The following MAGI1 variants were observed in gnomAD, a reference collection of about 807,000 sequenced individuals.
The protein encoded by MAGI1 is membrane associated guanylate kinase, WW and PDZ domain containing 1.
Under a neutral mutation model 139.9 loss-of-function variants are expected in MAGI1, and 58 were observed. The ratio of observed to expected loss-of-function variants is 0.41; its 90% confidence interval spans 0.34 to 0.52. The LOEUF (loss-of-function observed/expected upper bound fraction) is 0.52. MAGI1 is among the 20% of genes least tolerant of loss of function. MAGI1 has a pLI of 0.12. For missense variants in MAGI1, 1,874 were observed against 1,901.6 expected, an observed-to-expected ratio of 0.99 and a Z score of 0.27; for synonymous variants, 812 against 737.9, an observed-to-expected ratio of 1.10 and a Z score of -1.63.
chr3:65,410,774 G>GT (rs202207122), intron 12 of MAGI1, among the ~76,000 whole-genome samples: 2,493 of 152,198 alleles, frequency 0.016, 72 homozygotes, highest in African/African-American at 0.056. Flanking sequence ...GGTCATTCAA[G>GT]GCTACACATG....
At chr3:65,399,045 A>G (rs1375954158) in intron 13 of MAGI1, among the ~76,000 whole-genome samples, 1 of 152,166 alleles carries the variant, frequency 6.6e-6, no homozygotes, top group Admixed American at 6.5e-5. Context: ...TGCCAATCAC[A>G]TGAGCAAGCC....
At chr3:65,587,182 A>T (rs1162105471) in intron 2 of MAGI1, among the ~76,000 whole-genome samples, 1 of 152,094 alleles carries the variant, frequency 6.6e-6, no homozygotes, top group African/African-American at 2.4e-5. Flanking sequence ...TCCTCGACTC[A>T]CTTTGGAGTT....
intron 1 of MAGI1, among the ~76,000 whole-genome samples, chr3:65,979,218 C>T (rs1026736505): frequency 6.6e-6 from 1 of 151,556 alleles, no homozygotes; most frequent in Non-Finnish European, 1.5e-5. Context: ...GGCATAACCT[C>T]AGCCTACAAG....
chr3:65,463,075 T>C (rs1949926209), intron 5 of MAGI1, among the ~76,000 whole-genome samples: 1 of 152,198 alleles, frequency 6.6e-6, no homozygotes, highest in African/African-American at 2.4e-5. Context: ...ACAGAGATAA[T>C]TTGACTTCCT....
intron 1 of MAGI1, among the ~76,000 whole-genome samples, chr3:65,696,143 T>C (rs1346631006): frequency 2.0e-5 from 3 of 152,120 alleles, no homozygotes; most frequent in Non-Finnish European, 4.4e-5. Context: ...TGCCTCCCTA[T>C]CTTAGAAGCA....
Position 65,432,903 on chromosome 3 carries a change from C to A in MAGI1, c.1364-2022G>T, listed in dbSNP as rs553277316. Among the ~76,000 whole-genome samples the A allele has an allele frequency of 3.3e-5, 5 of 152,276 alleles. 1 individual carries two copies. The South Asian group carries it at 1.0e-3, about 32-fold the overall frequency. On this transcript the variant is annotated intron_variant, in intron 10 of 22. Transcript: ENST00000402939. ...ACCTTCGCAGCAAGACCTTCCCTAACCACCTTACTAAAAATTGCAGTACCT... is the reference window on the plus strand; with the variant it reads ...ACCTTCGCAGCAAGACCTTCCCTAAACACCTTACTAAAAATTGCAGTACCT...
chr3:65,401,498 G>C (rs369982025), intron 12 of MAGI1, 28 bp from the exon 13 acceptor site: 13 of 1,609,724 alleles, frequency 8.1e-6, no homozygotes, highest in Admixed American at 5.0e-5. Flanking sequence ...AGGAGGGGAG[G>C]GGGGAAGAAA....
At chr3:65,879,253 T>G (rs533889765) in intron 1 of MAGI1, among the ~76,000 whole-genome samples, 3 of 152,102 alleles carry the variant, frequency 2.0e-5, no homozygotes, top group Admixed American at 6.5e-5. Context: ...AGCATTTAAG[T>G]TCGCTGGGAG....
intron 15 of MAGI1, among the ~76,000 whole-genome samples, chr3:65,382,389 ACT>A (rs1488180439): frequency 6.6e-6 from 1 of 151,952 alleles, no homozygotes; most frequent in East Asian, 1.9e-4. Context: ...CTACCTAAAA[ACT>A]CTCTTTCCAT....
At chr3:65,954,799 G>A (rs1420084912) in intron 1 of MAGI1, among the ~76,000 whole-genome samples, 1 of 152,104 alleles carries the variant, frequency 6.6e-6, no homozygotes, top group South Asian at 2.1e-4. Flanking sequence ...AACCCCCAGG[G>A]CTGCTGGGAT....
At chr3:65,792,093 G>C (rs1032732648) in intron 1 of MAGI1, among the ~76,000 whole-genome samples, 1 of 151,968 alleles carries the variant, frequency 6.6e-6, no homozygotes, top group African/African-American at 2.4e-5. Context: ...CACAACAAGA[G>C]ATTAATAACA....
chr3:65,923,496 A>G (rs1445283042), intron 1 of MAGI1, among the ~76,000 whole-genome samples: 1 of 152,124 alleles, frequency 6.6e-6, no homozygotes, highest in African/African-American at 2.4e-5. Context: ...AAGTGCTGGG[A>G]TTACAGGCAT....
chr3:65,666,540 G>A (rs1481561260), intron 1 of MAGI1, among the ~76,000 whole-genome samples: 1 of 152,162 alleles, frequency 6.6e-6, no homozygotes, highest in Non-Finnish European at 1.5e-5. Context: ...TCACATATTA[G>A]CATAGTAAAA....
At chr3:65,794,946 T>C (rs951469753) in intron 1 of MAGI1, among the ~76,000 whole-genome samples, 2 of 150,646 alleles carry the variant, frequency 1.3e-5, no homozygotes, top group African/African-American at 4.9e-5. Flanking sequence ...AATAAGCACA[T>C]GAAAAGATGT....
At chr3:65,624,891 A>C (rs1286923262) in intron 1 of MAGI1, among the ~76,000 whole-genome samples, 2 of 152,096 alleles carry the variant, frequency 1.3e-5, no homozygotes, top group Non-Finnish European at 2.9e-5. Context: ...TTCTTTTTTT[A>C]AGATGGAGTC....
At chr3:65,852,681 T>G (rs957944715) in intron 1 of MAGI1, among the ~76,000 whole-genome samples, 2 of 151,918 alleles carry the variant, frequency 1.3e-5, no homozygotes, top group Admixed American at 1.3e-4. Flanking sequence ...TTTTGTATTT[T>G]TAGTAGAGAC....
chr3:65,657,392 C>T (rs1001924708), intron 1 of MAGI1, among the ~76,000 whole-genome samples: 29 of 149,088 alleles, frequency 1.9e-4, no homozygotes, highest in Non-Finnish European at 3.1e-4. Context: ...CCCAGGAGTC[C>T]GAGACCAGCC....
chr3:65,721,194 G>A (rs2032975023), intron 1 of MAGI1, among the ~76,000 whole-genome samples: 2 of 152,080 alleles, frequency 1.3e-5, no homozygotes, highest in African/African-American at 4.8e-5. Context: ...AGCATACACT[G>A]GAATTCTGAC....
intron 2 of MAGI1, among the ~76,000 whole-genome samples, chr3:65,525,275 G>C (rs918392303): frequency 6.6e-6 from 1 of 152,110 alleles, no homozygotes; most frequent in Non-Finnish European, 1.5e-5. Flanking sequence ...TCTCAAATCT[G>C]CAACTCTGCT....
Sources: allele counts gnomAD v4.1 joint callset (sites outside exome capture counted in the v4.1 genomes callset), GRCh38; gene constraint gnomAD v4.1.1; transcripts MANE v1.5; gene names NCBI Gene and HGNC (gene_info 2026-07-23, HGNC 2026-07-21).